Variants in RORA observed in about 807,000 individuals in gnomAD.
The protein encoded by RORA is RAR related orphan receptor A, also known as nuclear receptor ROR-alpha.
RORA carries 7 observed loss-of-function variants against 69.5 expected under a neutral mutation model. The ratio of observed to expected loss-of-function variants is 0.10; its 90% confidence interval spans 0.06 to 0.19. RORA has a LOEUF of 0.19. Among genes scored for constraint, RORA ranks in the 10% least tolerant of loss-of-function variants. The pLI is 1.00. For missense variants in RORA, 457 were observed against 663.0 expected, an observed-to-expected ratio of 0.69 and a Z score of 3.41; for synonymous variants, 261 against 240.8, an observed-to-expected ratio of 1.08 and a Z score of -0.78.
chr15:60,570,790 G>A (rs186457617), intron 2 of RORA, among the ~76,000 whole-genome samples: 2 of 152,180 alleles, frequency 1.3e-5, no homozygotes, highest in Non-Finnish European at 2.9e-5. Context: ...ACTAGACTGA[G>A]AGTCAAGAGA....
intron 1 of RORA, among the ~76,000 whole-genome samples, chr15:60,918,404 T>C (rs1891942721): frequency 6.6e-6 from 1 of 152,258 alleles, no homozygotes; most frequent in African/African-American, 2.4e-5. Context: ...AACCATGTCA[T>C]TCATGTTTAT....
chr15:60,709,952 T>C (rs1459514293), intron 1 of RORA, among the ~76,000 whole-genome samples: 3 of 152,090 alleles, frequency 2.0e-5, no homozygotes, highest in African/African-American at 7.2e-5. Context: ...GTATGCCACA[T>C]GTGAGGCAGT....
chr15:60,531,900 T>G lies in RORA; in HGVS notation c.197-49A>C. 1 of 1,115,528 alleles carries G rather than the reference T, an allele frequency of 9.0e-7. No individual in the cohort carries two copies. Among genetic ancestry groups the G allele is most frequent in the Non-Finnish European group, 1.3e-6 (1 of 752,068 alleles). The allele number at this position is 1,115,528 out of a possible 1,614,324, so 69.1% of individuals were successfully genotyped here. On this transcript the variant is annotated intron_variant, in intron 2 of 10. Transcript: ENST00000335670. The surrounding 1 kb of genome is among the most constrained non-coding windows in gnomAD (Gnocchi z 4.8). ...TTAATTACATTTTCTTTTAAACACC[T>G]TATAAAAGCGTTCCCTGATCAGCAT...
At chr15:60,711,189 A>T (rs1317716564) in intron 1 of RORA, among the ~76,000 whole-genome samples, 1 of 152,062 alleles carries the variant, frequency 6.6e-6, no homozygotes, top group African/African-American at 2.4e-5. Flanking sequence ...CTCCCAACAC[A>T]GTCTCCGTGC....
intron 1 of RORA, among the ~76,000 whole-genome samples, chr15:60,826,912 T>A (rs1191082851): frequency 6.6e-6 from 1 of 152,150 alleles, no homozygotes; most frequent in African/African-American, 2.4e-5. Flanking sequence ...AGGTATATAA[T>A]TGGAGTCTGG....
intron 2 of RORA, among the ~76,000 whole-genome samples, chr15:60,576,737 G>GTT (rs1174465262): frequency 5.3e-5 from 8 of 152,216 alleles, no homozygotes; most frequent in Admixed American, 2.0e-4. Context: ...AATGGTGTAT[G>GTT]TGTTAAGGTG....
At chr15:61,042,702 C>G (rs1296517431) in intron 1 of RORA, among the ~76,000 whole-genome samples, 1 of 152,232 alleles carries the variant, frequency 6.6e-6, no homozygotes, top group South Asian at 2.1e-4. Context: ...TCTCGATAAG[C>G]CTTCCTACCT....
At chr15:60,650,795 C>A (rs531432572) in intron 2 of RORA, 1 of 152,266 alleles carries the variant, frequency 6.6e-6, no homozygotes, top group African/African-American at 2.4e-5. Context: ...CCTTTGCAAA[C>A]AATATTTTTG....
chr15:61,095,946 T>C (rs1338583796), intron 1 of RORA, among the ~76,000 whole-genome samples: 1 of 152,236 alleles, frequency 6.6e-6, no homozygotes, highest in Non-Finnish European at 1.5e-5. Context: ...CTGAAGGATC[T>C]GGACTGCTAC....
chr15:60,681,650 G>A (rs2070644009), intron 1 of RORA: 1 of 152,204 alleles, frequency 6.6e-6, no homozygotes, highest in African/African-American at 2.4e-5. Context: ...GTGTGCCTGG[G>A]TTTGTTACCA....
intron 1 of RORA, among the ~76,000 whole-genome samples, chr15:61,173,717 G>A (rs1324271896): frequency 1.3e-5 from 2 of 152,172 alleles, no homozygotes; most frequent in Non-Finnish European, 2.9e-5. Context: ...GTGCAGTGGC[G>A]TGACCACGGC....
chr15:60,548,291 A>G (rs1290105860), intron 2 of RORA, among the ~76,000 whole-genome samples: 1 of 152,230 alleles, frequency 6.6e-6, no homozygotes, highest in Non-Finnish European at 1.5e-5. Context: ...ACACTCAGTG[A>G]GCACATAGCA....
intron 2 of RORA, among the ~76,000 whole-genome samples, chr15:60,596,302 C>T (rs995283089): frequency 3.9e-5 from 6 of 151,994 alleles, no homozygotes; most frequent in Admixed American, 6.6e-5. Context: ...CCAGGCCCTG[C>T]GTCTCTCTCT....
intron 1 of RORA, among the ~76,000 whole-genome samples, chr15:60,963,622 A>T (rs1893473764): frequency 6.6e-6 from 1 of 152,220 alleles, no homozygotes; most frequent in Admixed American, 6.5e-5. Context: ...GCTCCTGTGC[A>T]CCTGACTGCT....
At chr15:60,625,718 CAG>C (rs750472574) in intron 2 of RORA, among the ~76,000 whole-genome samples, 3 of 152,154 alleles carry the variant, frequency 2.0e-5, no homozygotes, top group East Asian at 1.9e-4. Flanking sequence ...TGTGTACAAA[CAG>C]ATATATTTGA....
At chr15:60,500,104 A>G (rs994920530) in intron 9 of RORA, 100 bp from the exon 10 acceptor site, 53 of 704,314 alleles carry the variant, frequency 7.5e-5, no homozygotes, top group Admixed American at 1.2e-4. Context: ...ATCACAATGA[A>G]TATTTAGAGA....
At chr15:60,797,995 C>G (rs2072522032) in intron 1 of RORA, among the ~76,000 whole-genome samples, 1 of 152,138 alleles carries the variant, frequency 6.6e-6, no homozygotes, top group African/African-American at 2.4e-5. Context: ...TGGCCTACAG[C>G]TATGCCACAA....
intron 2 of RORA, among the ~76,000 whole-genome samples, chr15:60,659,202 C>T (rs567430009): frequency 3.9e-5 from 6 of 152,270 alleles, no homozygotes; most frequent in East Asian, 1.9e-4. Context: ...CTTTGATCCC[C>T]GGAGGGAAGA....
At chr15:60,627,204 G>C in intron 2 of RORA, 1 of 1,592,544 alleles carries the variant, frequency 6.3e-7, no homozygotes. Flanking sequence ...ACAGTGATCA[G>C]CAGAGCAAAG....
Sources: allele counts gnomAD v4.1 joint callset (sites outside exome capture counted in the v4.1 genomes callset), GRCh38; gene constraint gnomAD v4.1.1; non-coding constraint Gnocchi (gnomAD v3.1); transcripts MANE v1.5; gene names NCBI Gene and HGNC (gene_info 2026-07-23, HGNC 2026-07-21).